Variants in SLC24A4 observed in about 807,000 individuals in gnomAD.
SLC24A4 encodes the protein solute carrier family 24 member 4.
In SLC24A4, 53 loss-of-function variants were observed where a neutral mutation model predicts 79.0. The observed-to-expected ratio is 0.67, with a 90% CI of 0.54 to 0.84. The LOEUF is 0.84. Ranked by LOEUF, SLC24A4 falls within the 40% of genes least tolerant of loss-of-function variation. The pLI is 0.00. For missense variants in SLC24A4, 731 were observed against 822.0 expected, an observed-to-expected ratio of 0.89 and a Z score of 1.35; for synonymous variants, 323 against 323.8, an observed-to-expected ratio of 1.00 and a Z score of 0.03.
intron 2 of SLC24A4, among the ~76,000 whole-genome samples, chr14:92,341,519 G>C (rs1466455040): frequency 1.3e-5 from 2 of 152,312 alleles, no homozygotes; most frequent in Non-Finnish European, 1.5e-5. Flanking sequence ...AGTGGTTCTG[G>C]CTTATTAGCT....
At chr14:92,414,821 C>T in intron 2 of SLC24A4, among the ~76,000 whole-genome samples, 1 of 152,236 alleles carries the variant, frequency 6.6e-6, no homozygotes, top group East Asian at 1.9e-4. Flanking sequence ...CATTCTCACT[C>T]TCTGTTCCTG....
intron 2 of SLC24A4, among the ~76,000 whole-genome samples, chr14:92,394,959 G>A (rs1889683354): frequency 6.6e-6 from 1 of 152,188 alleles, no homozygotes; most frequent in Non-Finnish European, 1.5e-5. Context: ...AGGATGCAGT[G>A]AGACCCCGGC....
At chr14:92,383,846 T>C (rs1409398840) in intron 2 of SLC24A4, among the ~76,000 whole-genome samples, 1 of 152,202 alleles carries the variant, frequency 6.6e-6, no homozygotes, top group Admixed American at 6.5e-5. Flanking sequence ...TTGCACCTTC[T>C]TATCCACCCC....
intron 2 of SLC24A4, among the ~76,000 whole-genome samples, chr14:92,430,635 C>T (rs1199923495): frequency 3.3e-5 from 5 of 152,156 alleles, no homozygotes; most frequent in African/African-American, 1.2e-4. Context: ...TGTCCAGGAC[C>T]AAGAGTGATG....
At chr14:92,399,827 G>A (rs528697379) in intron 2 of SLC24A4, among the ~76,000 whole-genome samples, 23 of 152,306 alleles carry the variant, frequency 1.5e-4, no homozygotes, top group African/African-American at 5.1e-4. Context: ...TGCATAGAAG[G>A]AGAACTTACC....
chr14:92,428,636 G>A (rs1388812141), intron 2 of SLC24A4, among the ~76,000 whole-genome samples: 1 of 152,252 alleles, frequency 6.6e-6, no homozygotes, highest in Non-Finnish European at 1.5e-5. Context: ...TGCCGGACAT[G>A]TTAGGTCTTG....
At chr14:92,378,518 G>A (rs1346778185) in intron 2 of SLC24A4, among the ~76,000 whole-genome samples, 1 of 152,164 alleles carries the variant, frequency 6.6e-6, no homozygotes, top group East Asian at 1.9e-4. Context: ...TTTTGGGGCT[G>A]CTTAACATCT....
At chr14:92,331,542 C>T (rs987264555) in intron 2 of SLC24A4, among the ~76,000 whole-genome samples, 1 of 152,226 alleles carries the variant, frequency 6.6e-6, no homozygotes, top group Non-Finnish European at 1.5e-5. Context: ...CTTGGCCTCC[C>T]AAAGTGCTGG....
intron 2 of SLC24A4, among the ~76,000 whole-genome samples, chr14:92,418,283 G>T (rs1006928777): frequency 6.6e-6 from 1 of 152,268 alleles, no homozygotes; most frequent in East Asian, 1.9e-4. Context: ...CCTGGCTCAC[G>T]GCTGTGAGGC....
intron 2 of SLC24A4, among the ~76,000 whole-genome samples, chr14:92,343,586 TTC>T (rs1367214897): frequency 1.1e-5 from 1 of 91,974 alleles, no homozygotes; most frequent in South Asian, 4.0e-4. Context: ...ACTGTTTTCT[TTC>T]TTTCTTTCTT....
chr14:92,396,294 G>A (rs1595215274), intron 2 of SLC24A4, among the ~76,000 whole-genome samples: 1 of 152,202 alleles, frequency 6.6e-6, no homozygotes, highest in Non-Finnish European at 1.5e-5. Context: ...ACTGAGGCTT[G>A]TGTATATTTT....
At chr14:92,453,772 C>T in intron 10 of SLC24A4, 128 bp from the exon 11 acceptor site, 2 of 1,027,402 alleles carry the variant, frequency 1.9e-6, no homozygotes, top group Non-Finnish European at 2.7e-6. Flanking sequence ...ATCCAGACTT[C>T]CCGGTGGCTG....
At chr14:92,399,304 T>C (rs990116266) in intron 2 of SLC24A4, among the ~76,000 whole-genome samples, 2 of 152,136 alleles carry the variant, frequency 1.3e-5, no homozygotes, top group Non-Finnish European at 2.9e-5. Flanking sequence ...ACCTACTACG[T>C]AGGGATAAAG....
intron 2 of SLC24A4, among the ~76,000 whole-genome samples, chr14:92,389,901 A>G (rs1889370154): frequency 6.6e-6 from 1 of 152,018 alleles, no homozygotes; most frequent in Non-Finnish European, 1.5e-5. Flanking sequence ...TTCCCTGCCA[A>G]GTCTTATTCC....
At chr14:92,407,161 C>T (rs1036462100) in intron 2 of SLC24A4, among the ~76,000 whole-genome samples, 4 of 152,172 alleles carry the variant, frequency 2.6e-5, no homozygotes, top group African/African-American at 7.2e-5. Context: ...CAAAATGCTG[C>T]CAGTCTCTTT....
chr14:92,382,433 T>G (rs1364870259), intron 2 of SLC24A4, among the ~76,000 whole-genome samples: 1 of 152,218 alleles, frequency 6.6e-6, no homozygotes, highest in Non-Finnish European at 1.5e-5. Flanking sequence ...CTGTGAGGAT[T>G]AAATGTGTTT....
At chr14:92,380,384 G>T (rs930634272) in intron 2 of SLC24A4, among the ~76,000 whole-genome samples, 6 of 152,172 alleles carry the variant, frequency 3.9e-5, no homozygotes, top group Non-Finnish European at 8.8e-5. Flanking sequence ...GCACGTGGCC[G>T]CATTCCTGGC....
chr14:92,372,387 C>T (rs934584984), intron 2 of SLC24A4, among the ~76,000 whole-genome samples: 1 of 152,162 alleles, frequency 6.6e-6, no homozygotes, highest in Non-Finnish European at 1.5e-5. Flanking sequence ...TGCCCACAGA[C>T]ATTTGCAGCT....
intron 14 of SLC24A4, among the ~76,000 whole-genome samples, chr14:92,489,600 G>A (rs1034606697): frequency 3.3e-5 from 5 of 152,110 alleles, no homozygotes. Flanking sequence ...GCATCGGCTT[G>A]ACCTGGGAGC....
Sources: gnomAD v4.1 joint callset for allele counts (sites outside exome capture counted in the v4.1 genomes callset) on GRCh38, gnomAD v4.1.1 for gene constraint, MANE v1.5 for transcripts, NCBI Gene and HGNC (gene_info 2026-07-23, HGNC 2026-07-21) for gene names.